The following DLGAP1 variants were observed in gnomAD, a reference collection of about 807,000 sequenced individuals.
The protein encoded by DLGAP1 is disks large-associated protein 1.
DLGAP1 carries 11 observed loss-of-function variants against 90.8 expected under a neutral mutation model. That is an observed-to-expected ratio of 0.12 (90% CI 0.08 to 0.20). The LOEUF (loss-of-function observed/expected upper bound fraction) is 0.20, where lower values mean the gene tolerates loss of function less well. Ranked by LOEUF, DLGAP1 falls within the 10% of genes least tolerant of loss-of-function variation. The pLI, the probability that DLGAP1 is intolerant of heterozygous loss-of-function variation, is 1.00. For missense variants in DLGAP1, 1,050 were observed against 1,333.8 expected (o/e 0.79, Z 3.31); for synonymous variants, 558 against 540.7 (o/e 1.03, Z -0.44).
intron 2 of DLGAP1, among the ~76,000 whole-genome samples, chr18:4,018,016 C>T (rs1227098094): frequency 1.3e-5 from 2 of 152,198 alleles, no homozygotes; most frequent in Non-Finnish European, 2.9e-5. Flanking sequence ...AAATCACTCA[C>T]ATGCCTTAAG....
chr18:4,160,312 A>G (rs1006078949), intron 1 of DLGAP1, among the ~76,000 whole-genome samples: 1 of 152,114 alleles, frequency 6.6e-6, no homozygotes, highest in Non-Finnish European at 1.5e-5. Context: ...AATTCACTAG[A>G]CTATTATAAT....
At chr18:3,906,131 G>A (rs756994729) in intron 3 of DLGAP1, among the ~76,000 whole-genome samples, 11 of 152,136 alleles carry the variant, frequency 7.2e-5, no homozygotes, top group African/African-American at 1.2e-4. Flanking sequence ...TGGATAACAG[G>A]CTTTTGAAAT....
chr18:4,197,128 G>A (rs1231053683), intron 1 of DLGAP1, among the ~76,000 whole-genome samples: 3 of 145,702 alleles, frequency 2.1e-5, no homozygotes, highest in African/African-American at 7.8e-5. Flanking sequence ...AGCTGAGATC[G>A]TGCCATTGCA....
chr18:3,977,352 G>A (rs1599255113), intron 3 of DLGAP1, among the ~76,000 whole-genome samples: 1 of 151,774 alleles, frequency 6.6e-6, no homozygotes, highest in East Asian at 1.9e-4. Flanking sequence ...GATTACAGGT[G>A]TGAGTCACTT....
At chr18:4,357,157 C>CTTTTTTTTTTTTTT (rs554248097) in intron 1 of DLGAP1, among the ~76,000 whole-genome samples, 1 of 108,744 alleles carries the variant, frequency 9.2e-6, no homozygotes, top group African/African-American at 3.6e-5. Context: ...TGTTTTTTTC[C>CTTTTTTTTTTTTTT]TTTTTTTTTT....
chr18:3,847,049 A>C (rs2069056735), intron 4 of DLGAP1, among the ~76,000 whole-genome samples: 1 of 152,204 alleles, frequency 6.6e-6, no homozygotes, highest in South Asian at 2.1e-4. Context: ...ATGATCTTTT[A>C]AATATATTGA....
intron 3 of DLGAP1, among the ~76,000 whole-genome samples, chr18:3,945,939 T>G (rs2072869253): frequency 6.6e-6 from 1 of 152,176 alleles, no homozygotes; most frequent in Non-Finnish European, 1.5e-5. Context: ...TGAAAATTAT[T>G]AGATAAGCCA....
At chr18:4,027,070 GAATATT>G (rs1261150303) in intron 2 of DLGAP1, among the ~76,000 whole-genome samples, 2 of 152,222 alleles carry the variant, frequency 1.3e-5, no homozygotes, top group East Asian at 3.9e-4. Flanking sequence ...TATGTCAGGT[GAATATT>G]AACAATAGCA....
At chr18:3,834,367 G>A (rs2068251113) in intron 4 of DLGAP1, among the ~76,000 whole-genome samples, 1 of 144,534 alleles carries the variant, frequency 6.9e-6, no homozygotes, top group Non-Finnish European at 1.5e-5. Flanking sequence ...AGCACTGGTT[G>A]TAAAAGCAAA....
chr18:3,746,393 G>A (rs1451178490), intron 5 of DLGAP1, among the ~76,000 whole-genome samples: 2 of 152,038 alleles, frequency 1.3e-5, no homozygotes, highest in Non-Finnish European at 2.9e-5. Flanking sequence ...AAATGCAAAG[G>A]AATATGGTAG....
intron 7 of DLGAP1, among the ~76,000 whole-genome samples, chr18:3,623,498 GA>G (rs1385861116): frequency 6.6e-6 from 1 of 152,110 alleles, no homozygotes; most frequent in East Asian, 1.9e-4. Flanking sequence ...GTGTGAAAAG[GA>G]AAAGCCAGCC....
chr18:4,103,009 T>C (rs548874286), intron 2 of DLGAP1, among the ~76,000 whole-genome samples: 1 of 152,364 alleles, frequency 6.6e-6, no homozygotes, highest in South Asian at 2.1e-4. Context: ...GTTCTTGCCC[T>C]GTCTCTCTGG....
chr18:4,217,215 C>T (rs1198755947), intron 1 of DLGAP1, among the ~76,000 whole-genome samples: 1 of 152,050 alleles, frequency 6.6e-6, no homozygotes, highest in East Asian at 1.9e-4. Flanking sequence ...GGTTTGGCTG[C>T]TCATTTCTTT....
At chr18:3,719,411 A>C (rs1200520923) in intron 7 of DLGAP1, among the ~76,000 whole-genome samples, 1 of 151,910 alleles carries the variant, frequency 6.6e-6, no homozygotes, top group African/African-American at 2.4e-5. Context: ...ACAAAAAATT[A>C]GCCGGGTGTG....
At chr18:3,572,297 C>T (rs1371449800) in intron 8 of DLGAP1, among the ~76,000 whole-genome samples, 1 of 151,974 alleles carries the variant, frequency 6.6e-6, no homozygotes, top group Non-Finnish European at 1.5e-5. Flanking sequence ...TCATTTCTTG[C>T]TTTGTGTCTT....
chr18:3,930,516 T>A lies in DLGAP1; in HGVS notation c.-72-50376A>T, dbSNP rs999750303. ...TAGGCTGCCCCTGAGATTGTGCGGATCTGAGCGTGTCCTGCAATAGGAAGG... is the reference window on the plus strand; with the variant it reads ...TAGGCTGCCCCTGAGATTGTGCGGAACTGAGCGTGTCCTGCAATAGGAAGG... On this transcript the variant is annotated intron_variant, in intron 3 of 12. Coordinates refer to ENST00000315677, the MANE Select transcript of DLGAP1 (RefSeq NM_004746.4). Among the ~76,000 whole-genome samples, 3 of 152,170 alleles carry A rather than the reference T, an allele frequency of 2.0e-5. No homozygotes were observed. The South Asian group carries it at 6.2e-4, about 32-fold the overall frequency.
intron 5 of DLGAP1, among the ~76,000 whole-genome samples, chr18:3,811,651 A>G (rs1053536990): frequency 1.3e-5 from 2 of 152,228 alleles, no homozygotes; most frequent in African/African-American, 2.4e-5. Context: ...CCATCAGCCT[A>G]GCTGTCATCT....
intron 2 of DLGAP1, among the ~76,000 whole-genome samples, chr18:4,025,159 T>A (rs911359410): frequency 6.6e-6 from 1 of 151,976 alleles, no homozygotes; most frequent in Non-Finnish European, 1.5e-5. Flanking sequence ...TGAGTGTGCA[T>A]AGGTGGAGTG....
At chr18:4,239,691 A>T (rs1340436202) in intron 1 of DLGAP1, among the ~76,000 whole-genome samples, 1 of 152,218 alleles carries the variant, frequency 6.6e-6, no homozygotes, top group Non-Finnish European at 1.5e-5. Flanking sequence ...ATGAGATGCT[A>T]AACAAAGTGT....
Sources: gnomAD v4.1 joint callset for allele counts (sites outside exome capture counted in the v4.1 genomes callset) on GRCh38, gnomAD v4.1.1 for gene constraint, MANE v1.5 for transcripts, NCBI Gene and HGNC (gene_info 2026-07-23, HGNC 2026-07-21) for gene names.